Variants in ARHGAP44 observed in about 807,000 individuals in gnomAD.
The protein encoded by ARHGAP44 is rho GTPase-activating protein 44.
Under a neutral mutation model 106.8 loss-of-function variants are expected in ARHGAP44, and 43 were observed. That is an observed-to-expected ratio of 0.40 (90% CI 0.32 to 0.52). ARHGAP44 has a LOEUF of 0.52. Ranked by LOEUF, ARHGAP44 falls within the 20% of genes least tolerant of loss-of-function variation. The probability of loss-of-function intolerance (pLI) is 0.48; values close to 1 mark genes in which losing one functional copy is unlikely to be tolerated. For missense variants in ARHGAP44, 866 were observed against 1,050.5 expected, an observed-to-expected ratio of 0.82 and a Z score of 2.43; for synonymous variants, 439 against 410.3, an observed-to-expected ratio of 1.07 and a Z score of -0.85.
intron 7 of ARHGAP44, among the ~76,000 whole-genome samples, chr17:12,933,544 G>A (rs1282938923): frequency 6.6e-6 from 1 of 152,122 alleles, no homozygotes; most frequent in Non-Finnish European, 1.5e-5. Context: ...TTCACAAGTG[G>A]TACTTGCTTT....
chr17:12,859,556 A>G (rs1424381204), intron 1 of ARHGAP44, among the ~76,000 whole-genome samples: 1 of 152,210 alleles, frequency 6.6e-6, no homozygotes, highest in East Asian at 1.9e-4. Flanking sequence ...TGGGGCCTAA[A>G]GATTGTTTCC....
rs55793274 is a variant in ARHGAP44 at position 12,955,879 on chromosome 17, A to G, written c.1149A>G (p.Lys383=). ...AATTTTCTTTTAGATACTTGATAAA[A>G]TTTTTATCCAAGCTGTCAGAATATC... ...ANHNNIRYLI[K]FLSKLSEYQD... is the part of the protein sequence containing the mutation. The change falls in exon 14 of 21, where the codon AAA becomes AAG. Residue 383 remains lysine, a synonymous_variant. Transcript: ENST00000379672. 6.2e-7 allele frequency: 1 copy of G among 1,612,656 alleles called. No homozygotes were observed. Among genetic ancestry groups the G allele is most frequent in the Non-Finnish European group, 8.5e-7 (1 of 1,179,246 alleles).
intron 3 of ARHGAP44, among the ~76,000 whole-genome samples, chr17:12,899,566 G>T (rs1009553508): frequency 1.4e-5 from 2 of 145,178 alleles, no homozygotes; most frequent in Non-Finnish European, 3.0e-5. Flanking sequence ...GGAGCAATGG[G>T]TGAAAAGGAA....
intron 7 of ARHGAP44, among the ~76,000 whole-genome samples, chr17:12,934,776 C>G (rs1048768963): frequency 2.6e-5 from 4 of 152,148 alleles, no homozygotes; most frequent in African/African-American, 9.7e-5. Flanking sequence ...GAGTGAACCC[C>G]TAAGTAGACT....
chr17:12,939,357 A>G lies in ARHGAP44; in HGVS notation c.583-1699A>G, dbSNP rs571354325. Among the ~76,000 whole-genome samples the G allele has an allele frequency of 9.9e-5, 15 of 152,244 alleles. 1 individual carries two copies. The highest frequency in any genetic ancestry group is 6.8e-3 in the Middle Eastern group (2 of 294). ...TAAGATCCTTGAACTCTTGCTACCT[A>G]TGGATCTGAAATTGGAAATTCAATA... On this transcript the variant is annotated intron_variant, in intron 7 of 20. Transcript: ENST00000379672.
At chr17:12,938,594 A>AC (rs2038617653) in intron 7 of ARHGAP44, among the ~76,000 whole-genome samples, 2 of 151,540 alleles carry the variant, frequency 1.3e-5, no homozygotes, top group Non-Finnish European at 2.9e-5. Context: ...AAAAAAAAAA[A>AC]AAAAAAAAAC....
chr17:12,863,935 C>G (rs1181483241), intron 1 of ARHGAP44, among the ~76,000 whole-genome samples: 1 of 152,200 alleles, frequency 6.6e-6, no homozygotes, highest in African/African-American at 2.4e-5. Flanking sequence ...CTGTGCTGGC[C>G]ATCAACTGGG....
At position 12,949,400 on chromosome 17, in the gene ARHGAP44, G is replaced by C; in HGVS notation, c.973+149G>C. ...CCACTCAGTGCCCAGTTTCAGGGCT[G>C]GGTGCTCTGGCCCCTTGAAGGAAGG... On this transcript the variant is annotated intron_variant, in intron 11 of 20. Transcript: ENST00000379672. This position sits in a 1 kb window ranked among gnomAD's most constrained non-coding sequence, Gnocchi z 4.1. The C allele has an allele frequency of 1.1e-6, 1 of 924,020 alleles. No homozygotes were observed. The highest frequency in any genetic ancestry group is 1.6e-6 in the Non-Finnish European group (1 of 617,464). The allele number at this position is 924,020 out of a possible 1,614,324, so 57.2% of individuals were successfully genotyped here.
intron 8 of ARHGAP44, among the ~76,000 whole-genome samples, chr17:12,941,707 C>T (rs2038713829): frequency 6.6e-6 from 1 of 152,114 alleles, no homozygotes; most frequent in African/African-American, 2.4e-5. Flanking sequence ...CTGCCTCTCA[C>T]CAATCAAAGT....
At chr17:12,875,335 A>G (rs2036521069) in intron 1 of ARHGAP44, among the ~76,000 whole-genome samples, 1 of 152,084 alleles carries the variant, frequency 6.6e-6, no homozygotes, top group Non-Finnish European at 1.5e-5. Flanking sequence ...GCTCATGCTT[A>G]TGAACCCCAG....
chr17:12,926,486 A>T (rs887937816), intron 6 of ARHGAP44, among the ~76,000 whole-genome samples: 1 of 145,228 alleles, frequency 6.9e-6, no homozygotes, highest in African/African-American at 2.5e-5. Context: ...ATATATATGT[A>T]TGTATAATAT....
At chr17:12,814,753 C>T (rs139870190) in intron 1 of ARHGAP44, among the ~76,000 whole-genome samples, 1 of 152,152 alleles carries the variant, frequency 6.6e-6, no homozygotes, top group Non-Finnish European at 1.5e-5. Context: ...CTGGCACACT[C>T]CTCCACTGGG....
At chr17:12,858,582 C>T (rs2035977307) in intron 1 of ARHGAP44, among the ~76,000 whole-genome samples, 1 of 152,116 alleles carries the variant, frequency 6.6e-6, no homozygotes, top group South Asian at 2.1e-4. Flanking sequence ...AAATAACTCC[C>T]AGGGATAGGA....
chr17:12,976,231 C>G (rs2039677975), intron 18 of ARHGAP44, among the ~76,000 whole-genome samples: 2 of 152,200 alleles, frequency 1.3e-5, no homozygotes, highest in East Asian at 1.9e-4. Flanking sequence ...CCATCACCAC[C>G]AGCACACAAA....
At chr17:12,945,150 C>T (rs2038819385) in intron 10 of ARHGAP44, among the ~76,000 whole-genome samples, 1 of 151,978 alleles carries the variant, frequency 6.6e-6, no homozygotes, top group Non-Finnish European at 1.5e-5. Flanking sequence ...GCTGAGTTTA[C>T]AGGCATGTGC....
chr17:12,950,796 T>C (rs1410916133), intron 12 of ARHGAP44, among the ~76,000 whole-genome samples: 9 of 152,018 alleles, frequency 5.9e-5, no homozygotes, highest in African/African-American at 1.9e-4. Context: ...CAGGGGCCTG[T>C]GAAAGGAAAT....
At chr17:12,851,439 A>G (rs2035736341) in intron 1 of ARHGAP44, among the ~76,000 whole-genome samples, 1 of 143,020 alleles carries the variant, frequency 7.0e-6, no homozygotes, top group African/African-American at 2.8e-5. Context: ...CTGCTCCATG[A>G]CACATGGGCC....
At chr17:12,912,774 G>A (rs2037778882) in intron 4 of ARHGAP44, among the ~76,000 whole-genome samples, 1 of 152,196 alleles carries the variant, frequency 6.6e-6, no homozygotes, top group African/African-American at 2.4e-5. Context: ...TTAAAATTCT[G>A]AAGGAAACCA....
intron 1 of ARHGAP44, among the ~76,000 whole-genome samples, chr17:12,846,366 A>G (rs574451485): frequency 4.6e-5 from 7 of 152,228 alleles, no homozygotes; most frequent in African/African-American, 1.2e-4. Flanking sequence ...AACAGTTACA[A>G]TGGATGCACA....
Sources: allele counts gnomAD v4.1 joint callset (sites outside exome capture counted in the v4.1 genomes callset), GRCh38; gene constraint gnomAD v4.1.1; non-coding constraint Gnocchi (gnomAD v3.1); transcripts MANE v1.5; gene names NCBI Gene and HGNC (gene_info 2026-07-23, HGNC 2026-07-21).